The following GALNTL6 variants were observed in gnomAD, a reference collection of about 807,000 sequenced individuals.
GALNTL6 encodes the protein polypeptide N-acetylgalactosaminyltransferase-like 6.
Under a neutral mutation model 73.7 loss-of-function variants are expected in GALNTL6, and 46 were observed. The observed-to-expected ratio is 0.62, with a 90% CI of 0.49 to 0.80. The LOEUF is 0.80. Among genes scored for constraint, GALNTL6 ranks in the 30% least tolerant of loss-of-function variants. GALNTL6 has a pLI of 0.00. For synonymous variants in GALNTL6, 259 were observed against 263.7 expected (o/e 0.98, Z 0.17); for missense variants, 604 against 755.0 (o/e 0.80, Z 2.34).
At chr4:172,004,236 A>G (rs1740761096) in intron 2 of GALNTL6, among the ~76,000 whole-genome samples, 1 of 152,176 alleles carries the variant, frequency 6.6e-6, no homozygotes, top group South Asian at 2.1e-4. Flanking sequence ...AAGATTTTCA[A>G]TAAATTTCCC....
chr4:172,167,965 CAAA>C (rs70941387), intron 2 of GALNTL6, among the ~76,000 whole-genome samples: 6 of 113,930 alleles, frequency 5.3e-5, no homozygotes, highest in East Asian at 3.3e-4. Flanking sequence ...GACTCCGTCT[CAAA>C]AAAAAAAAAA....
intron 2 of GALNTL6, among the ~76,000 whole-genome samples, chr4:172,202,529 G>A (rs1175542929): frequency 2.0e-5 from 3 of 152,070 alleles, no homozygotes; most frequent in Non-Finnish European, 4.4e-5. Context: ...TTACATATAG[G>A]TAGATGAGAT....
intron 10 of GALNTL6, among the ~76,000 whole-genome samples, chr4:173,007,892 A>G (rs1335775777): frequency 6.6e-6 from 1 of 152,076 alleles, no homozygotes; most frequent in East Asian, 1.9e-4. Context: ...ACTTTTTATC[A>G]CCACTCTTTT....
At chr4:173,023,396 G>A (rs868264017) in intron 12 of GALNTL6, among the ~76,000 whole-genome samples, 1 of 152,118 alleles carries the variant, frequency 6.6e-6, no homozygotes, top group Non-Finnish European at 1.5e-5. Context: ...AGTAGCTCAC[G>A]CTTGTCATCC....
intron 7 of GALNTL6, among the ~76,000 whole-genome samples, chr4:172,838,622 G>A (rs1224129557): frequency 6.6e-6 from 1 of 152,038 alleles, no homozygotes; most frequent in Non-Finnish European, 1.5e-5. Context: ...ATGTTTAAAG[G>A]CATAATTTTC....
At chr4:172,565,997 A>C (rs1283894079) in intron 5 of GALNTL6, among the ~76,000 whole-genome samples, 1 of 152,182 alleles carries the variant, frequency 6.6e-6, no homozygotes, top group Non-Finnish European at 1.5e-5. Flanking sequence ...AAGATATAAA[A>C]ATTATAAATA....
chr4:172,571,018 T>C (rs1579199947), intron 5 of GALNTL6, among the ~76,000 whole-genome samples: 1 of 152,134 alleles, frequency 6.6e-6, no homozygotes, highest in East Asian at 1.9e-4. Flanking sequence ...ATGCAAGCAA[T>C]GGGAAGCAGC....
intron 2 of GALNTL6, 28 bp from the exon 3 acceptor site, chr4:172,229,628 T>C (rs747149986): frequency 6.8e-7 from 1 of 1,464,146 alleles, no homozygotes; most frequent in Non-Finnish European, 9.6e-7. Flanking sequence ...ACCTCCTTTT[T>C]ATGCTTGAAT....
In GALNTL6 at chr4:172,703,021, GT is replaced by G. The variant is rs1420370637; in HGVS notation, c.554-106338del. Among the ~76,000 whole-genome samples the G allele has an allele frequency of 2.6e-5, 4 of 151,948 alleles. No homozygotes were observed. The East Asian group carries it at 7.7e-4, about 29-fold the overall frequency. On this transcript the variant is annotated intron_variant, in intron 5 of 12. Coordinates refer to ENST00000506823, the MANE Select transcript of GALNTL6 (RefSeq NM_001034845.3). ...ACCAAATCATTTTCAAGGAATGATGGTTATTTCCTCTAAATTTGTATGCTTT... is the reference window on the plus strand; with the variant it reads ...ACCAAATCATTTTCAAGGAATGATGGTATTTCCTCTAAATTTGTATGCTTT...
intron 5 of GALNTL6, among the ~76,000 whole-genome samples, chr4:172,626,803 T>C (rs778762005): frequency 2.6e-5 from 4 of 152,144 alleles, no homozygotes; most frequent in Non-Finnish European, 5.9e-5. Context: ...TTGAACATTA[T>C]TGTTGCATAG....
chr4:172,110,933 T>G (rs563761998), intron 2 of GALNTL6, among the ~76,000 whole-genome samples: 1 of 152,126 alleles, frequency 6.6e-6, no homozygotes, highest in Non-Finnish European at 1.5e-5. Flanking sequence ...TTTGTTTTCT[T>G]GCCTTGACAT....
At chr4:172,036,588 A>T (rs576884473) in intron 2 of GALNTL6, among the ~76,000 whole-genome samples, 1 of 152,260 alleles carries the variant, frequency 6.6e-6, no homozygotes, top group Non-Finnish European at 1.5e-5. Context: ...TGTATGTATT[A>T]GTTCAATTAA....
chr4:172,083,814 C>T (rs1263817582), intron 2 of GALNTL6, among the ~76,000 whole-genome samples: 1 of 152,130 alleles, frequency 6.6e-6, no homozygotes, highest in African/African-American at 2.4e-5. Flanking sequence ...ACTGACTAAT[C>T]TTATAACTGT....
intron 5 of GALNTL6, among the ~76,000 whole-genome samples, chr4:172,786,146 A>G (rs1579479870): frequency 6.6e-6 from 1 of 152,264 alleles, no homozygotes; most frequent in Admixed American, 6.5e-5. Context: ...AAGTACTTGA[A>G]CTCCAATTCG....
At chr4:171,947,500 G>C (rs1178113198) in intron 2 of GALNTL6, among the ~76,000 whole-genome samples, 3 of 151,562 alleles carry the variant, frequency 2.0e-5, no homozygotes, top group African/African-American at 4.8e-5. Context: ...AGATACATTG[G>C]GTGAAGGACT....
chr4:172,954,292 G>GTT (rs1749607210), intron 10 of GALNTL6, among the ~76,000 whole-genome samples: 1 of 152,162 alleles, frequency 6.6e-6, no homozygotes. Flanking sequence ...TTCTAGGAAA[G>GTT]GTACAACCTT....
chr4:171,928,759 G>A lies in GALNTL6; in HGVS notation c.138+114041G>A, dbSNP rs182417368. On this transcript the variant is annotated intron_variant, in intron 2 of 12. Transcript: ENST00000506823. The stretch of plus-strand genomic sequence containing the variant: ...CTGTGCTCCAGTTGCCTACAGTATT[G>A]AGTACAGTAACATGCTACAGGCTTG... Among the ~76,000 whole-genome samples, 251 of 152,246 alleles carry A rather than the reference G, an allele frequency of 1.6e-3. 1 individual carries two copies. In the Middle Eastern group the frequency reaches 0.017, roughly 10 times the overall value.
intron 3 of GALNTL6, among the ~76,000 whole-genome samples, chr4:172,287,864 C>T (rs545236297): frequency 6.6e-6 from 1 of 152,136 alleles, no homozygotes; most frequent in Non-Finnish European, 1.5e-5. Flanking sequence ...TGAAACATTT[C>T]TGGAAACTTC....
intron 10 of GALNTL6, among the ~76,000 whole-genome samples, chr4:172,965,023 C>T (rs910837206): frequency 6.6e-6 from 1 of 152,226 alleles, no homozygotes; most frequent in Non-Finnish European, 1.5e-5. Context: ...AGTGCTATAT[C>T]TCATCAACCC....
Sources: allele counts gnomAD v4.1 joint callset (sites outside exome capture counted in the v4.1 genomes callset), GRCh38; gene constraint gnomAD v4.1.1; transcripts MANE v1.5; gene names NCBI Gene and HGNC (gene_info 2026-07-23, HGNC 2026-07-21).